The following PPP6R3 variants were observed in gnomAD, a reference collection of about 807,000 sequenced individuals.
PPP6R3 encodes protein phosphatase 6 regulatory subunit 3, also known as serine/threonine-protein phosphatase 6 regulatory subunit 3.
A neutral mutation model predicts 110.7 loss-of-function variants in PPP6R3; 38 were observed. That is an observed-to-expected ratio of 0.34 (90% CI 0.26 to 0.45). The LOEUF (loss-of-function observed/expected upper bound fraction) is 0.45. Ranked by LOEUF, PPP6R3 falls within the 20% of genes least tolerant of loss-of-function variation. The probability of loss-of-function intolerance (pLI) is 1.00; values close to 1 mark genes in which losing one functional copy is unlikely to be tolerated. For synonymous variants in PPP6R3, 369 were observed against 373.5 expected, an observed-to-expected ratio of 0.99 and a Z score of 0.14; for missense variants, 870 against 1,062.4, an observed-to-expected ratio of 0.82 and a Z score of 2.52.
intron 8 of PPP6R3, among the ~76,000 whole-genome samples, chr11:68,558,972 A>G (rs964198925): frequency 6.6e-6 from 1 of 152,258 alleles, no homozygotes; most frequent in Admixed American, 6.5e-5. Flanking sequence ...AATCAAAAAC[A>G]TGTATAATGG....
In PPP6R3 at chr11:68,606,224, A is replaced by G. The variant is rs539886356; in HGVS notation, c.2450+2732A>G. Among the ~76,000 whole-genome samples the G allele has an allele frequency of 2.0e-5, 3 of 152,310 alleles. No individual in the cohort carries two copies. The East Asian group carries it at 5.8e-4, about 29-fold the overall frequency. On this transcript the variant is annotated intron_variant, in intron 22 of 23. Transcript: ENST00000393800. The stretch of plus-strand genomic sequence containing the variant: ...ATTTTTTTTATAAGGTTCCATAGCT[A>G]TATATGATTAAAACTCTGAGAAAAC...
In PPP6R3 at chr11:68,573,153, T is replaced by TATATATAA. The variant is rs1468107550; in HGVS notation, c.1344-955_1344-954insTATATAAA. ...ATATATATATATATATATATATATA[T>TATATATAA]AATTTTTTTTTTTTTGAGACGGAGT... is the stretch of plus-strand genomic sequence containing the variant. On this transcript the variant is annotated intron_variant, in intron 12 of 23. Coordinates refer to ENST00000393800, the MANE Select transcript of PPP6R3 (RefSeq NM_001164161.2). Among the ~76,000 whole-genome samples, 190 of 103,566 alleles carry TATATATAA rather than the reference T, an allele frequency of 1.8e-3. 7 individuals carry two copies. The highest frequency in any genetic ancestry group is 7.1e-3 in the African/African-American group (185 of 26,078). 67.9% of individuals were successfully genotyped at this position (103,566 alleles called of 152,430 possible). A position where few individuals can be genotyped will look rare whatever the true frequency, so the allele number is the denominator to read the frequency against.
At position 68,537,836 on chromosome 11, in the gene PPP6R3, G is replaced by C; in HGVS notation, c.172G>C (p.Val58Leu). 1 of 1,614,070 alleles carries C rather than the reference G, an allele frequency of 6.2e-7. No individual in the cohort carries two copies. The highest frequency in any genetic ancestry group is 8.5e-7 in the Non-Finnish European group (1 of 1,179,954). ...AAAAGCAGAATGTCTCGAAGATTTA[G>C]TCTCATTCATTATAGAAGAACCACC... is the stretch of plus-strand genomic sequence containing the variant. ...LLKAECLEDL[V>L]SFIIEEPPQD... Residue 58 changes from valine to leucine, a missense_variant, in exon 3 of 24, where the codon GTC becomes CTC. Coordinates refer to ENST00000393800, the MANE Select transcript of PPP6R3 (RefSeq NM_001164161.2).
rs2099371956 is a variant in PPP6R3 at position 68,551,184 on chromosome 11, G to C, written c.616G>C (p.Asp206His). 1 of 1,606,946 alleles carries C rather than the reference G, an allele frequency of 6.2e-7. No individual in the cohort carries two copies. Among genetic ancestry groups the C allele is most frequent in the Non-Finnish European group, 8.5e-7 (1 of 1,175,642 alleles). ...VEIVHPSQEEDRHSNASQSLC... is the reference protein window; with the variant it reads ...VEIVHPSQEEHRHSNASQSLC... The stretch of plus-strand genomic sequence containing the variant: ...AATAGTTCATCCATCGCAAGAAGAA[G>C]ATGTAAGTTCACTTGTGTGACTGTA... The change falls in exon 6 of 24, where the codon GAT becomes CAT. Residue 206 changes from aspartate (D) to histidine (H), a missense_variant and splice_region_variant. Transcript: ENST00000393800.
chr11:68,506,245 A>G (rs145910886), intron 1 of PPP6R3, among the ~76,000 whole-genome samples: 2,069 of 151,082 alleles, frequency 0.014, 54 homozygotes, highest in African/African-American at 0.046. Context: ...AGCTGGGACT[A>G]TAGGCATGCA....
intron 16 of PPP6R3, 77 bp from the exon 17 acceptor site, chr11:68,590,583 G>A (rs958550611): frequency 2.1e-5 from 29 of 1,397,186 alleles, no homozygotes; most frequent in Non-Finnish European, 2.8e-5. Flanking sequence ...TCTTAAATTT[G>A]GAAACTTTCA....
chr11:68,533,193 G>A (rs546434843), intron 2 of PPP6R3, among the ~76,000 whole-genome samples: 24 of 152,230 alleles, frequency 1.6e-4, no homozygotes, highest in African/African-American at 5.8e-4. Flanking sequence ...ACATAGAAGC[G>A]AAGGCCCAGC....
chr11:68,515,724 G>T (rs2099133225), intron 1 of PPP6R3, among the ~76,000 whole-genome samples: 1 of 152,144 alleles, frequency 6.6e-6, no homozygotes, highest in African/African-American at 2.4e-5. Flanking sequence ...TCAATTCAGG[G>T]TCCCACCCTT....
At chr11:68,520,995 C>T (rs146007663) in intron 2 of PPP6R3, among the ~76,000 whole-genome samples, 1,621 of 152,294 alleles carry the variant, frequency 0.011, 37 homozygotes, top group African/African-American at 0.037. Flanking sequence ...TGGTCTTGAA[C>T]TCCTGGCCTC....
At chr11:68,466,599 C>T (rs754760255) in intron 1 of PPP6R3, among the ~76,000 whole-genome samples, 8 of 151,608 alleles carry the variant, frequency 5.3e-5, no homozygotes, top group Middle Eastern at 3.4e-3. Context: ...CCACCATGCC[C>T]GGCTAATTTT....
At chr11:68,471,053 C>T (rs1015806994) in intron 1 of PPP6R3, among the ~76,000 whole-genome samples, 112 of 151,764 alleles carry the variant, frequency 7.4e-4, no homozygotes, top group East Asian at 3.7e-3. Context: ...GAGGCTGAGA[C>T]GGGCGGATCA....
intron 1 of PPP6R3, among the ~76,000 whole-genome samples, chr11:68,510,869 T>G (rs1019838396): frequency 1.3e-5 from 2 of 152,204 alleles, no homozygotes; most frequent in Non-Finnish European, 2.9e-5. Flanking sequence ...GTATACTTTC[T>G]GATTTTTTTA....
intron 1 of PPP6R3, among the ~76,000 whole-genome samples, chr11:68,461,494 T>TGGGGGGGGG (rs61434771): frequency 1.2e-5 from 1 of 83,340 alleles, no homozygotes; most frequent in Non-Finnish European, 2.4e-5. Context: ...GAGCCGGGGG[T>TGGGGGGGGG]GGGGGGGGTG....
chr11:68,596,370 A>G (rs1329289151), intron 19 of PPP6R3, 152 bp downstream of exon 19: 2 of 1,102,648 alleles, frequency 1.8e-6, no homozygotes, highest in Non-Finnish European at 2.6e-6. Flanking sequence ...TTGGAGGTTT[A>G]AGTTTCAGAG....
Position 68,591,629 on chromosome 11 carries a change from T to C in PPP6R3, c.1839T>C (p.Asp613=), listed in dbSNP as rs746889933. ...GTAAGGAAAGAATACAACAGTTTGA[T>C]GATGGTGGCTCTGATGAGGAAGATA... ...ACCKERIQQF[D]DGGSDEEDIW... is the part of the protein sequence containing the mutation. The change falls in exon 18 of 24, where the codon GAT becomes GAC. Residue 613 remains aspartate, a synonymous_variant. Transcript: ENST00000393800. 5.0e-6 allele frequency: 8 copies of C among 1,613,246 alleles called. No homozygotes were observed. The Admixed American group carries it at 1.0e-4, about 20-fold the overall frequency.
intron 7 of PPP6R3, among the ~76,000 whole-genome samples, chr11:68,557,495 T>A (rs997377481): frequency 1.3e-5 from 2 of 148,878 alleles, no homozygotes; most frequent in African/African-American, 4.9e-5. Context: ...AGATTCCATT[T>A]CTTTTTCTTT....
At chr11:68,606,677 C>T (rs1421246313) in intron 22 of PPP6R3, among the ~76,000 whole-genome samples, 2 of 152,138 alleles carry the variant, frequency 1.3e-5, no homozygotes, top group Non-Finnish European at 2.9e-5. Flanking sequence ...GCAAAACTAA[C>T]ACCTAATGAG....
At chr11:68,503,271 A>G (rs536838259) in intron 1 of PPP6R3, among the ~76,000 whole-genome samples, 24 of 152,292 alleles carry the variant, frequency 1.6e-4, no homozygotes, top group Non-Finnish European at 2.8e-4. Flanking sequence ...AACCCACGGA[A>G]ACGGCTTCGT....
At chr11:68,564,254 T>A in intron 8 of PPP6R3, 49 bp from the exon 9 acceptor site, 1 of 1,527,636 alleles carries the variant, frequency 6.5e-7, no homozygotes, top group Non-Finnish European at 9.0e-7. Flanking sequence ...TAACCTTGAA[T>A]GATTTGTTCT....
Sources: gnomAD v4.1 joint callset for allele counts (sites outside exome capture counted in the v4.1 genomes callset) on GRCh38, gnomAD v4.1.1 for gene constraint, MANE v1.5 for transcripts, NCBI Gene and HGNC (gene_info 2026-07-23, HGNC 2026-07-21) for gene names.